The following MACROD2 variants were observed in gnomAD, a reference collection of about 807,000 sequenced individuals.
MACROD2 encodes mono-ADP ribosylhydrolase 2.
MACROD2 carries 36 observed loss-of-function variants against 70.4 expected under a neutral mutation model. The observed-to-expected ratio is 0.51, with a 90% CI of 0.39 to 0.68. The LOEUF is 0.68. Ranked by LOEUF, MACROD2 falls within the 30% of genes least tolerant of loss-of-function variation. The pLI is 0.00. For synonymous variants in MACROD2, 172 were observed against 178.8 expected, an observed-to-expected ratio of 0.96 and a Z score of 0.30; for missense variants, 496 against 538.4, an observed-to-expected ratio of 0.92 and a Z score of 0.78.
chr20:14,104,703 T>C (rs1461150853), intron 3 of MACROD2, among the ~76,000 whole-genome samples: 1 of 152,194 alleles, frequency 6.6e-6, no homozygotes, highest in Non-Finnish European at 1.5e-5. Context: ...AGAGCACTTC[T>C]CCCTTTGCAT....
At chr20:14,060,514 A>G (rs4813150) in intron 2 of MACROD2, among the ~76,000 whole-genome samples, 26,680 of 152,070 alleles carry the variant, frequency 0.18, 2,559 homozygotes, top group South Asian at 0.23. Flanking sequence ...ACATTGAGAG[A>G]ATAGGCTGAG....
At chr20:14,786,204 T>TAGATAGAGAGAGAGAG (rs376081607) in intron 5 of MACROD2, among the ~76,000 whole-genome samples, 2 of 135,428 alleles carry the variant, frequency 1.5e-5, no homozygotes, top group African/African-American at 5.7e-5. Flanking sequence ...CAGAGAAAGA[T>TAGATAGAGAGAGAGAG]AGAGAGAGAG....
intron 5 of MACROD2, among the ~76,000 whole-genome samples, chr20:15,041,572 C>G (rs1206861917): frequency 6.6e-6 from 1 of 152,034 alleles, no homozygotes; most frequent in African/African-American, 2.4e-5. Context: ...GCTGAGACCA[C>G]AGGCATGTAC....
chr20:14,926,354 C>T (rs1380875887), intron 5 of MACROD2, among the ~76,000 whole-genome samples: 2 of 151,984 alleles, frequency 1.3e-5, no homozygotes, highest in African/African-American at 4.8e-5. Context: ...TCAAGACCAT[C>T]CTGGCCAACA....
intron 8 of MACROD2, among the ~76,000 whole-genome samples, chr20:15,667,350 C>A (rs62194061): frequency 0.05 from 7,590 of 152,278 alleles, 314 homozygotes; most frequent in East Asian, 0.2. Context: ...AGTGATGTCG[C>A]TGCTAGGCTT....
intron 6 of MACROD2, among the ~76,000 whole-genome samples, chr20:15,339,460 A>T (rs1248644745): frequency 5.3e-5 from 8 of 151,828 alleles, no homozygotes; most frequent in Non-Finnish European, 1.0e-4. Context: ...TGGATGCTGG[A>T]TGCTTGCCTA....
At chr20:15,984,517 T>C (rs1379207861) in intron 13 of MACROD2, among the ~76,000 whole-genome samples, 1 of 152,170 alleles carries the variant, frequency 6.6e-6, no homozygotes, top group South Asian at 2.1e-4. Context: ...TTGCAGACAA[T>C]TTTTCAACAT....
At chr20:15,822,827 A>G (rs1320871939) in intron 8 of MACROD2, among the ~76,000 whole-genome samples, 1 of 152,198 alleles carries the variant, frequency 6.6e-6, no homozygotes, top group Admixed American at 6.5e-5. Flanking sequence ...AGAAAACCGC[A>G]GATACAGCAG....
intron 8 of MACROD2, among the ~76,000 whole-genome samples, chr20:15,610,064 T>G (rs2048945809): frequency 6.6e-6 from 1 of 152,232 alleles, no homozygotes; most frequent in Non-Finnish European, 1.5e-5. Context: ...TGAAGCACAG[T>G]ACAAATACTT....
At chr20:14,507,055 A>C (rs2084976968) in intron 4 of MACROD2, among the ~76,000 whole-genome samples, 2 of 152,222 alleles carry the variant, frequency 1.3e-5, no homozygotes, top group Admixed American at 6.5e-5. Context: ...ATCTGTGACT[A>C]GTATTCAGAG....
chr20:15,445,933 A>G (rs147292912), intron 7 of MACROD2, among the ~76,000 whole-genome samples: 559 of 152,278 alleles, frequency 3.7e-3, no homozygotes, highest in South Asian at 0.012. Context: ...AGGATGGTCC[A>G]CTTGCTGACC....
At chr20:14,005,184 G>A (rs187322037) in intron 2 of MACROD2, among the ~76,000 whole-genome samples, 2 of 152,194 alleles carry the variant, frequency 1.3e-5, no homozygotes, top group Admixed American at 6.5e-5. Context: ...AAAGGGGGAA[G>A]CAAGTTTTAT....
chr20:15,014,655 T>C (rs1475883982), intron 5 of MACROD2, among the ~76,000 whole-genome samples: 1 of 152,132 alleles, frequency 6.6e-6, no homozygotes, highest in African/African-American at 2.4e-5. Flanking sequence ...AAACAGGCAT[T>C]CTTCCAGTTA....
At chr20:15,403,427 G>A (rs1353035811) in intron 6 of MACROD2, among the ~76,000 whole-genome samples, 1 of 136,152 alleles carries the variant, frequency 7.3e-6, no homozygotes, top group Non-Finnish European at 1.7e-5. Context: ...AGAAGAAGAA[G>A]GAGGAGGAGG....
chr20:14,736,561 G>T (rs779391516), intron 5 of MACROD2, among the ~76,000 whole-genome samples: 11 of 152,100 alleles, frequency 7.2e-5, no homozygotes, highest in Non-Finnish European at 1.6e-4. Flanking sequence ...TTTACATGAA[G>T]TATCTCCACA....
chr20:14,842,432 A>G (rs1235712390), intron 5 of MACROD2, among the ~76,000 whole-genome samples: 1 of 152,044 alleles, frequency 6.6e-6, no homozygotes, highest in Non-Finnish European at 1.5e-5. Flanking sequence ...AAACACTTAC[A>G]TGTAGAGGTA....
rs148251977 is a variant in MACROD2, at chr20:14,326,557, C to T, written c.272-166922C>T. 1.2e-4 allele frequency: 188 copies of T among 1,613,926 alleles called. No individual in the cohort carries two copies. The African/African-American group carries it at 2.2e-3, about 19-fold the overall frequency. On this transcript the variant is annotated intron_variant, in intron 3 of 17. Coordinates refer to ENST00000684519, the MANE Select transcript of MACROD2 (RefSeq NM_001351661.2). The surrounding 1 kb of genome is among the most constrained non-coding windows in gnomAD (Gnocchi z 5.5). ...CACAGGTAGTGATTGTAACCAGTCA[C>T]GTACCCATTTCATCTTGCACCCGCA...
intron 5 of MACROD2, among the ~76,000 whole-genome samples, chr20:14,819,797 A>AT (rs2072819382): frequency 6.6e-6 from 1 of 152,132 alleles, no homozygotes; most frequent in South Asian, 2.1e-4. Context: ...CAGAGGCCTT[A>AT]TTCTAGCATT....
chr20:14,362,404 C>A (rs1008311164), intron 3 of MACROD2, among the ~76,000 whole-genome samples: 1 of 152,130 alleles, frequency 6.6e-6, no homozygotes, highest in Non-Finnish European at 1.5e-5. Context: ...ATGGGTCAGG[C>A]CCTGTGGTAG....
Sources: allele counts gnomAD v4.1 joint callset (sites outside exome capture counted in the v4.1 genomes callset), GRCh38; gene constraint gnomAD v4.1.1; non-coding constraint Gnocchi (gnomAD v3.1); transcripts MANE v1.5; gene names NCBI Gene and HGNC (gene_info 2026-07-23, HGNC 2026-07-21).